Variants in CCDC18 observed in about 807,000 individuals in gnomAD.
The protein encoded by CCDC18 is coiled-coil domain-containing protein 18.
Under a neutral mutation model 196.0 loss-of-function variants are expected in CCDC18, and 157 were observed. That is an observed-to-expected ratio of 0.80 (90% CI 0.70 to 0.91). The LOEUF (loss-of-function observed/expected upper bound fraction) is 0.91. CCDC18 is among the 40% of genes least tolerant of loss of function. CCDC18 has a pLI of 0.00. For missense variants in CCDC18, 1,465 were observed against 1,611.6 expected (o/e 0.91, Z 1.56); for synonymous variants, 482 against 529.2 (o/e 0.91, Z 1.22).
chr1:93,238,490 G>A (rs566015933), intron 19 of CCDC18, among the ~76,000 whole-genome samples: 29,923 of 152,006 alleles, frequency 0.2, 3,383 homozygotes, highest in African/African-American at 0.3. Flanking sequence ...ATTTGTTGAA[G>A]TTTTATCTAG....
intron 1 of CCDC18, among the ~76,000 whole-genome samples, chr1:93,182,792 AGCT>A (rs1649955496): frequency 1.3e-5 from 2 of 152,198 alleles, no homozygotes; most frequent in Non-Finnish European, 2.9e-5. Flanking sequence ...AGGAGGAGAC[AGCT>A]TTTATCTGGT....
At chr1:93,255,821 GGGGA>G (rs1432532587) in intron 24 of CCDC18, among the ~76,000 whole-genome samples, 2 of 151,692 alleles carry the variant, frequency 1.3e-5, no homozygotes, top group African/African-American at 4.8e-5. Context: ...TGGGGAGGAG[GGGGA>G]GGAATACTTT....
chr1:93,195,178 G>C (rs891289234), intron 6 of CCDC18, among the ~76,000 whole-genome samples: 4 of 152,076 alleles, frequency 2.6e-5, no homozygotes, highest in African/African-American at 9.7e-5. Context: ...GCTAAATATT[G>C]ACTTTGGCTT....
chr1:93,260,477 A>C (rs919774765), intron 26 of CCDC18, among the ~76,000 whole-genome samples: 5 of 152,150 alleles, frequency 3.3e-5, no homozygotes, highest in Non-Finnish European at 4.4e-5. Flanking sequence ...TGAAGTATAT[A>C]TTTTTACCTG....
In CCDC18 at chr1:93,214,883, A is replaced by G. The variant is rs201753869; in HGVS notation, c.1636A>G (p.Met546Val). 5.0e-6 allele frequency: 8 copies of G among 1,613,624 alleles called. No homozygotes were observed. The highest frequency in any genetic ancestry group is 1.7e-4 in the Middle Eastern group (1 of 6,058). ...TGAAAATTCTGATTTGAAGGTTAAC[A>G]TGGCTCACAGAACTAGTCAGTTTCA... Reference protein sequence around the residue: ...EAENSDLKVNMAHRTSQFQLI... With the variant: ...EAENSDLKVNVAHRTSQFQLI... Residue 546 changes from methionine (M) to valine (V), a missense_variant, in exon 12 of 29, where the codon ATG (methionine) becomes GTG (valine). Coordinates refer to ENST00000690025, the MANE Select transcript of CCDC18 (RefSeq NM_001378204.1).
rs188178398 is a variant in CCDC18, at chr1:93,208,485, C to T, written c.1209+1087C>T. Among the ~76,000 whole-genome samples, 286 of 151,984 alleles carry T rather than the reference C, an allele frequency of 1.9e-3. 1 individual carries two copies. The highest frequency in any genetic ancestry group is 5.8e-3 in the African/African-American group (239 of 41,454). On this transcript the variant is annotated intron_variant, in intron 9 of 28. Transcript: ENST00000690025. ...TAGCTGGGACTACAGGCACAAGGGA[C>T]GGGGTTTCACCACATTGGTCAAACG...
At chr1:93,192,850 G>A (rs1268146305) in intron 5 of CCDC18, among the ~76,000 whole-genome samples, 1 of 152,216 alleles carries the variant, frequency 6.6e-6, no homozygotes, top group African/African-American at 2.4e-5. Flanking sequence ...AGGACCAGCA[G>A]TAGTAGCATC....
intron 5 of CCDC18, among the ~76,000 whole-genome samples, chr1:93,193,197 A>AAAAG (rs543544941): frequency 6.6e-6 from 1 of 152,184 alleles, no homozygotes. Flanking sequence ...AAGAGTAGGA[A>AAAAG]AAAGAAAGAA....
At position 93,254,564 on chromosome 1, in the gene CCDC18, C is replaced by A; in HGVS notation, c.3292C>A (p.Leu1098Met). 6.2e-7 allele frequency: 1 copy of A among 1,609,652 alleles called. No individual in the cohort carries two copies. Among genetic ancestry groups the A allele is most frequent in the Non-Finnish European group, 8.5e-7 (1 of 1,177,920 alleles). ...ACAAAATGAACAGGAGATAAGTCAA[C>A]TGAAAAAAGAAATTGAAAGAACACA... ...MLQNEQEISQ[L>M]KKEIERTQQR... The change falls in exon 24 of 29, where the codon CTG becomes ATG. Residue 1098 changes from leucine to methionine, a missense_variant. Transcript: ENST00000690025.
At chr1:93,228,974 G>C (rs1658831958) in intron 17 of CCDC18, among the ~76,000 whole-genome samples, 1 of 152,050 alleles carries the variant, frequency 6.6e-6, no homozygotes, top group South Asian at 2.1e-4. Flanking sequence ...CCAGGCTGGA[G>C]TGCAGTGGTG....
chr1:93,201,684 G>GTTTTA (rs1553166864), intron 6 of CCDC18, among the ~76,000 whole-genome samples: 35 of 151,464 alleles, frequency 2.3e-4, no homozygotes, highest in Middle Eastern at 3.4e-3. Flanking sequence ...ATTGTTTTGT[G>GTTTTA]TTTTATTTTT....
intron 5 of CCDC18, among the ~76,000 whole-genome samples, chr1:93,192,657 C>G (rs772047545): frequency 7.2e-5 from 11 of 152,218 alleles, no homozygotes; most frequent in African/African-American, 2.4e-4. Flanking sequence ...AGGCTGGTCT[C>G]AAACTCCTGG....
chr1:93,199,179 A>G (rs945391492), intron 6 of CCDC18, among the ~76,000 whole-genome samples: 1 of 152,110 alleles, frequency 6.6e-6, no homozygotes, highest in African/African-American at 2.4e-5. Context: ...CATTCTGCCC[A>G]CTCAGCCTGG....
At chr1:93,271,289 A>C in intron 28 of CCDC18, 2 of 985,428 alleles carry the variant, frequency 2.0e-6, no homozygotes, top group Non-Finnish European at 2.4e-6. Context: ...ATTTAAAAGC[A>C]TGAATAAGGC....
chr1:93,245,020 A>G (rs1269952480), intron 21 of CCDC18, among the ~76,000 whole-genome samples: 1 of 152,168 alleles, frequency 6.6e-6, no homozygotes, highest in Non-Finnish European at 1.5e-5. Flanking sequence ...AGCATTTAAT[A>G]TTATATTTTT....
chr1:93,193,831 G>T, intron 6 of CCDC18, 87 bp downstream of exon 6: 1 of 1,072,302 alleles, frequency 9.3e-7, no homozygotes, highest in South Asian at 2.0e-5. Flanking sequence ...TTTTTGAAGT[G>T]AAAAAATTTC....
rs202064128 is a variant in CCDC18 at position 93,230,669 on chromosome 1, GTTA to G, written c.2293-1752_2293-1750del. ...TAGATTACTGAAATAAAATTTTGTT[GTTA>G]TTATGTGGTAAGGCTTTGTGTTTTG... On this transcript the variant is annotated intron_variant, in intron 17 of 28. Transcript: ENST00000690025. Among the ~76,000 whole-genome samples the G allele has an allele frequency of 4.4e-3, 663 of 149,828 alleles. 13 individuals carry two copies. The highest frequency in any genetic ancestry group is 0.034 in the Admixed American group (516 of 15,040).
intron 24 of CCDC18, among the ~76,000 whole-genome samples, chr1:93,255,979 TC>T (rs1372156758): frequency 6.6e-6 from 1 of 152,268 alleles, no homozygotes; most frequent in Non-Finnish European, 1.5e-5. Context: ...CAATATATTC[TC>T]TGTCTTTGAC....
At chr1:93,218,977 T>G (rs532311860) in intron 14 of CCDC18, among the ~76,000 whole-genome samples, 1 of 152,334 alleles carries the variant, frequency 6.6e-6, no homozygotes, top group East Asian at 1.9e-4. Context: ...GCTTCTCCAA[T>G]AATTTTAATA....
Sources: gnomAD v4.1 joint callset for allele counts (sites outside exome capture counted in the v4.1 genomes callset) on GRCh38, gnomAD v4.1.1 for gene constraint, MANE v1.5 for transcripts, NCBI Gene and HGNC (gene_info 2026-07-23, HGNC 2026-07-21) for gene names.